KLRD1: variants seen among roughly 807,000 people sequenced by gnomAD.
The protein encoded by KLRD1 is natural killer cells antigen CD94.
A neutral mutation model predicts 22.6 loss-of-function variants in KLRD1; 21 were observed. The ratio of observed to expected loss-of-function variants is 0.93; its 90% CI spans 0.66 to 1.34. The LOEUF (loss-of-function observed/expected upper bound fraction) is 1.34. Among genes scored for constraint, KLRD1 ranks in the 40% most tolerant of loss-of-function variants. KLRD1 has a pLI of 0.00. For synonymous variants in KLRD1, 59 were observed against 71.1 expected (o/e 0.83, Z 0.85); for missense variants, 183 against 208.6 (o/e 0.88, Z 0.76).
rs1756325652 is a variant in KLRD1, at chr12:10,324,774, G to T, written c.*9981G>T. ...TACATTTTATTTTCTAATTTCAAAT[G>T]TTTTATTTTAAAATTGTAAGTATAT... On this transcript the variant is annotated 3_prime_UTR_variant, in exon 6 of 6. Coordinates refer to ENST00000336164, the MANE Select transcript of KLRD1 (RefSeq NM_002262.5). 7.5e-6 allele frequency: 1 copy of T among 133,010 alleles called. No individual in the cohort carries two copies. The highest frequency in any genetic ancestry group is 8.0e-5 in the Admixed American group (1 of 12,448). The allele number at this position is 133,010 out of a possible 1,614,324, so 8.2% of individuals were successfully genotyped here.
rs1316428802 is a variant in KLRD1, at chr12:10,323,965, T to TGAACCCTCCTC, written c.*9172_*9173insGAACCCTCCTC. 3.3e-5 allele frequency: 5 copies of TGAACCCTCCTC among 150,626 alleles called. No homozygotes were observed. Among genetic ancestry groups the TGAACCCTCCTC allele is most frequent in the Non-Finnish European group, 7.4e-5 (5 of 67,694 alleles). 9.3% of individuals were successfully genotyped at this position (150,626 alleles called of 1,614,324 possible). On this transcript the variant is annotated 3_prime_UTR_variant, in exon 6 of 6. Coordinates refer to ENST00000336164, the MANE Select transcript of KLRD1 (RefSeq NM_002262.5). The stretch of plus-strand genomic sequence containing the variant: ...CAACCTTCACCACCTGGGTTCAAGT[T>TGAACCCTCCTC]ATTCTCATGCCTCAGCCTCCCCAGT...
chr12:10,276,654 G>T (rs12371403), intron 1 of KLRD1, among the ~76,000 whole-genome samples: 1 of 149,260 alleles, frequency 6.7e-6, no homozygotes, highest in Non-Finnish European at 1.5e-5. Flanking sequence ...TCAGCCTCCC[G>T]AGTAGCTGGG....
intron 1 of KLRD1, among the ~76,000 whole-genome samples, chr12:10,271,735 T>A (rs946485133): frequency 6.6e-6 from 1 of 152,136 alleles, no homozygotes; most frequent in Non-Finnish European, 1.5e-5. Flanking sequence ...ACTTATATGA[T>A]ACATAAACAT....
At chr12:10,246,923 C>A (rs796280919) in intron 1 of KLRD1, among the ~76,000 whole-genome samples, 1 of 123,406 alleles carries the variant, frequency 8.1e-6, no homozygotes, top group African/African-American at 3.6e-5. Flanking sequence ...TTTTTCTTTT[C>A]TTTTCTTTTC....
chr12:10,287,400 T>A (rs1019730707), intron 1 of KLRD1, among the ~76,000 whole-genome samples: 2 of 152,058 alleles, frequency 1.3e-5, no homozygotes, highest in Non-Finnish European at 2.9e-5. Context: ...CACTCAGACC[T>A]CTCACAGATA....
chr12:10,328,203 A>T lies in KLRD1; in HGVS notation c.*13410A>T, dbSNP rs1472028262. 3 of 152,128 alleles carry T rather than the reference A, an allele frequency of 2.0e-5. No homozygotes were observed. In the East Asian group the frequency reaches 5.8e-4, roughly 29 times the overall value. 9.4% of individuals were successfully genotyped at this position (152,128 alleles called of 1,614,324 possible). ...GTTTGAAAGTATTTATTCTTTTTAA[A>T]TTTTTATATAATAGCTTGGGAAAGA... On this transcript the variant is annotated 3_prime_UTR_variant, in exon 6 of 6. Coordinates refer to ENST00000336164, the MANE Select transcript of KLRD1 (RefSeq NM_002262.5).
chr12:10,308,011 A>G lies in KLRD1; in HGVS notation c.-67A>G. The G allele has an allele frequency of 4.2e-6, 6 of 1,445,168 alleles. No individual in the cohort carries two copies. The highest frequency in any genetic ancestry group is 2.9e-6 in the Non-Finnish European group (3 of 1,028,804). 89.5% of individuals were successfully genotyped at this position (1,445,168 alleles called of 1,614,324 possible). A position where few individuals can be genotyped will look rare whatever the true frequency, so the allele number is the denominator to read the frequency against. ...ATCTCCAGCTCAGCTTCAACAATTC[A>G]ACGCTGTTCTTTCTGAAAAAGTACA... On this transcript the variant is annotated 5_prime_UTR_variant, in exon 1 of 6. Transcript: ENST00000336164.
In KLRD1 at chr12:10,327,808, G is replaced by C. The variant is rs561732762; in HGVS notation, c.*13015G>C. Reference sequence around the variant, plus strand: ...TATTAGCTATGCACTTTACATATAGGGCCTTCAAAATGTTGAAATATTTTT... The same window carrying C: ...TATTAGCTATGCACTTTACATATAGCGCCTTCAAAATGTTGAAATATTTTT... On this transcript the variant is annotated 3_prime_UTR_variant, in exon 6 of 6. Coordinates refer to ENST00000336164, the MANE Select transcript of KLRD1 (RefSeq NM_002262.5). 1 of 152,148 alleles carries C rather than the reference G, an allele frequency of 6.6e-6. No individual in the cohort carries two copies. The highest frequency in any genetic ancestry group is 1.9e-4 in the East Asian group (1 of 5,188). 9.4% of individuals were successfully genotyped at this position (152,148 alleles called of 1,614,324 possible).
chr12:10,274,132 T>A (rs573603949), intron 1 of KLRD1, among the ~76,000 whole-genome samples: 183 of 151,710 alleles, frequency 1.2e-3, no homozygotes, highest in African/African-American at 4.2e-3. Flanking sequence ...AACACAAAAT[T>A]AGCTGGGGGT....
intron 1 of KLRD1, among the ~76,000 whole-genome samples, chr12:10,286,153 C>G (rs2617133): frequency 6.6e-6 from 1 of 152,234 alleles, no homozygotes; most frequent in East Asian, 1.9e-4. Flanking sequence ...TGGAAACATT[C>G]TGTACCATAC....
chr12:10,239,335 C>G (rs1949211614), intron 1 of KLRD1, among the ~76,000 whole-genome samples: 1 of 152,164 alleles, frequency 6.6e-6, no homozygotes, highest in African/African-American at 2.4e-5. Context: ...CTTCTTCTGT[C>G]CAGGCAAAAG....
chr12:10,284,593 T>A (rs1440567321), intron 1 of KLRD1, among the ~76,000 whole-genome samples: 3 of 152,230 alleles, frequency 2.0e-5, no homozygotes, highest in African/African-American at 4.8e-5. Context: ...CAAATGCCAA[T>A]GAGGCTGTTA....
At chr12:10,243,117 GA>G (rs926270220) in intron 1 of KLRD1, among the ~76,000 whole-genome samples, 2 of 151,892 alleles carry the variant, frequency 1.3e-5, no homozygotes, top group Admixed American at 6.5e-5. Context: ...GAGACTGGGG[GA>G]AAGAGAATGG....
chr12:10,318,839 C>T lies in KLRD1; in HGVS notation c.*4046C>T, dbSNP rs988698425. On this transcript the variant is annotated 3_prime_UTR_variant, in exon 6 of 6. Coordinates refer to ENST00000336164, the MANE Select transcript of KLRD1 (RefSeq NM_002262.5). ...CCAGCCTGGGTGACAGAGGAGACTC[C>T]GTCTCCAAAAAAAAAAAAAAAAAAA... 8.1e-5 allele frequency: 10 copies of T among 123,628 alleles called. No individual in the cohort carries two copies. The highest frequency in any genetic ancestry group is 2.2e-4 in the East Asian group (1 of 4,604). 7.7% of individuals were successfully genotyped at this position (123,628 alleles called of 1,614,324 possible). A position where few individuals can be genotyped will look rare whatever the true frequency, so the allele number is the denominator to read the frequency against.
chr12:10,277,114 GTTTT>G (rs36020833), intron 1 of KLRD1, among the ~76,000 whole-genome samples: 2 of 115,344 alleles, frequency 1.7e-5, no homozygotes, highest in Non-Finnish European at 3.6e-5. Flanking sequence ...GCCTCACAGA[GTTTT>G]TTTTTTTTTT....
At chr12:10,258,979 G>A (rs1949424222) in intron 1 of KLRD1, among the ~76,000 whole-genome samples, 1 of 152,172 alleles carries the variant, frequency 6.6e-6, no homozygotes, top group African/African-American at 2.4e-5. Context: ...AATGAGCAGA[G>A]ATAAATAGAA....
chr12:10,254,460 A>G (rs1226316836), intron 1 of KLRD1, among the ~76,000 whole-genome samples: 2 of 151,400 alleles, frequency 1.3e-5, no homozygotes, highest in Non-Finnish European at 2.9e-5. Context: ...AAACCTATCA[A>G]CAGAGTAAAC....
At position 10,251,086 on chromosome 12, in the gene KLRD1, T is replaced by C. The variant is rs552572728; in HGVS notation, c.-101+24853T>C. 8.8e-4 allele frequency among the ~76,000 whole-genome samples: 134 copies of C among 152,228 alleles called. 1 individual carries two copies. Among genetic ancestry groups the C allele is most frequent in the African/African-American group, 3.2e-3 (131 of 41,504 alleles). On this transcript the variant is annotated intron_variant, in intron 1 of 5. Coordinates refer to the KLRD1 transcript ENST00000544747. The stretch of plus-strand genomic sequence containing the variant: ...ACTACAGATGTTAACATACTAACCT[T>C]TCACTCTGGAGTTTGGGACAGTGAG...
intron 1 of KLRD1, among the ~76,000 whole-genome samples, chr12:10,257,545 G>A (rs535080748): frequency 3.1e-4 from 37 of 117,594 alleles, no homozygotes; most frequent in Admixed American, 1.0e-3. Context: ...TTAATTTTTC[G>A]TCTCTAGAAT....
Sources: allele counts gnomAD v4.1 joint callset (sites outside exome capture counted in the v4.1 genomes callset), GRCh38; gene constraint gnomAD v4.1.1; transcripts MANE v1.5; gene names NCBI Gene and HGNC (gene_info 2026-07-23, HGNC 2026-07-21).